The following NECTIN1 variants were observed in gnomAD, a reference collection of about 807,000 sequenced individuals.
The protein encoded by NECTIN1 is nectin-1.
In NECTIN1, 23 loss-of-function variants were observed where a neutral mutation model predicts 48.0. The ratio of observed to expected loss-of-function variants is 0.48; its 90% CI spans 0.34 to 0.68. NECTIN1 has a LOEUF of 0.68. Ranked by LOEUF, NECTIN1 falls within the 30% of genes least tolerant of loss-of-function variation. NECTIN1 has a pLI of 0.01. For synonymous variants in NECTIN1, 270 were observed against 288.9 expected (o/e 0.93, Z 0.66); for missense variants, 591 against 709.9 (o/e 0.83, Z 1.90).
chr11:119,681,048 G>A (rs950313753), intron 1 of NECTIN1, among the ~76,000 whole-genome samples: 2 of 152,206 alleles, frequency 1.3e-5, no homozygotes, highest in Non-Finnish European at 2.9e-5. Flanking sequence ...GGTCCTAACT[G>A]TCTCATGACA....
chr11:119,724,918 TTTTTTTG>T (rs1240343103), intron 1 of NECTIN1, among the ~76,000 whole-genome samples: 2 of 152,192 alleles, frequency 1.3e-5, no homozygotes, highest in Non-Finnish European at 2.9e-5. Flanking sequence ...ATGTTTAAAG[TTTTTTTG>T]TTTTTTGTTT....
intron 1 of NECTIN1, among the ~76,000 whole-genome samples, chr11:119,707,398 C>T (rs1379110380): frequency 1.3e-5 from 2 of 152,196 alleles, no homozygotes; most frequent in African/African-American, 2.4e-5. Flanking sequence ...CTAAAGGTCA[C>T]CTCCACCTTC....
At chr11:119,648,046 AGAGT>A (rs1452725847) in intron 5 of NECTIN1, among the ~76,000 whole-genome samples, 26 of 110,138 alleles carry the variant, frequency 2.4e-4, no homozygotes, top group Non-Finnish European at 3.4e-4. Context: ...CCTGGGTGAC[AGAGT>A]GAGACACCGT....
chr11:119,638,340 G>A, intron 7 of NECTIN1: 1 of 1,470,574 alleles, frequency 6.8e-7, no homozygotes, highest in Non-Finnish European at 9.4e-7. Context: ...GGACTCCTCA[G>A]TTCCCATGCA....
chr11:119,653,939 G>A (rs1053505793), intron 5 of NECTIN1: 3 of 152,182 alleles, frequency 2.0e-5, no homozygotes, highest in Non-Finnish European at 4.4e-5. Context: ...CCTTGCTGAA[G>A]GTCTGCAGAG....
rs1451963900 is a variant in NECTIN1 at position 119,672,246 on chromosome 11, C to T, written c.1003+2913G>A. On this transcript the variant is annotated intron_variant, in intron 5 of 5. Coordinates refer to ENST00000264025, the MANE Select transcript of NECTIN1 (RefSeq NM_002855.5). The surrounding 1 kb of genome is among the most constrained non-coding windows in gnomAD (Gnocchi z 4.3). ...CTTGGGAGTGGCGAGAGGCTGGGTC[C>T]CAGCTGGAGAGGCCTGGCCTGTCTC... 2.6e-5 allele frequency among the ~76,000 whole-genome samples: 4 copies of T among 152,160 alleles called. No individual in the cohort carries two copies. The highest frequency in any genetic ancestry group is 2.0e-4 in the Admixed American group (3 of 15,284).
chr11:119,671,290 C>T (rs4576834), intron 5 of NECTIN1, among the ~76,000 whole-genome samples: 25,369 of 151,872 alleles, frequency 0.17, 2,414 homozygotes, highest in Admixed American at 0.26. Context: ...AGAGCCAGGC[C>T]GCAGGGTCAT....
chr11:119,670,209 C>T (rs1864843434), intron 5 of NECTIN1, among the ~76,000 whole-genome samples: 1 of 152,218 alleles, frequency 6.6e-6, no homozygotes, highest in Non-Finnish European at 1.5e-5. Context: ...ATCCACCCAC[C>T]TCAGCCTCCC....
chr11:119,711,222 T>A (rs1185226916), intron 1 of NECTIN1, among the ~76,000 whole-genome samples: 1 of 152,030 alleles, frequency 6.6e-6, no homozygotes, highest in Non-Finnish European at 1.5e-5. Flanking sequence ...AAACCCTATC[T>A]CTATTAAAAA....
chr11:119,648,307 A>ATGGTGGTGGTGG (rs1565376549), intron 5 of NECTIN1, among the ~76,000 whole-genome samples: 1 of 10,418 alleles, frequency 9.6e-5, no homozygotes, highest in Non-Finnish European at 1.8e-4. Flanking sequence ...GGTGGTGGTG[A>ATGGTGGTGGTGG]TGGTGGTGAT....
intron 5 of NECTIN1, among the ~76,000 whole-genome samples, chr11:119,643,208 C>G (rs1864350814): frequency 6.6e-6 from 1 of 152,160 alleles, no homozygotes; most frequent in Non-Finnish European, 1.5e-5. Context: ...GGGTCGCACC[C>G]TGGTGGAAGA....
At chr11:119,726,417 C>T (rs184539967) in intron 1 of NECTIN1, among the ~76,000 whole-genome samples, 3 of 152,306 alleles carry the variant, frequency 2.0e-5, no homozygotes, top group South Asian at 2.1e-4. Context: ...AGGAGCTGGG[C>T]GGTCCGGGAA....
chr11:119,685,411 G>C (rs1488903362), intron 1 of NECTIN1, among the ~76,000 whole-genome samples: 1 of 152,230 alleles, frequency 6.6e-6, no homozygotes, highest in Non-Finnish European at 1.5e-5. Flanking sequence ...CGAGAAGGAG[G>C]CAGCGCAGGA....
chr11:119,706,138 C>T (rs1384762894), intron 1 of NECTIN1, among the ~76,000 whole-genome samples: 4 of 152,254 alleles, frequency 2.6e-5, no homozygotes, highest in Non-Finnish European at 5.9e-5. Context: ...CCACCTTCCC[C>T]TTCCGTCCCC....
chr11:119,676,000 C>A, intron 4 of NECTIN1, among the ~76,000 whole-genome samples: 1 of 129,260 alleles, frequency 7.7e-6, no homozygotes, highest in African/African-American at 3.3e-5. Flanking sequence ...AGTGAAAATC[C>A]GTCTCAAAGA....
intron 1 of NECTIN1, among the ~76,000 whole-genome samples, chr11:119,712,517 C>G (rs993447846): frequency 2.6e-5 from 4 of 152,026 alleles, no homozygotes; most frequent in African/African-American, 9.7e-5. Flanking sequence ...AGGCTTAGGA[C>G]GGGAGAGGGA....
chr11:119,654,326 G>T (rs1864536985), intron 5 of NECTIN1: 1 of 151,950 alleles, frequency 6.6e-6, no homozygotes, highest in South Asian at 2.1e-4. Context: ...GCCCTCAGAA[G>T]TTTAACCACC....
In NECTIN1 at chr11:119,673,414, G is replaced by T. The variant is rs1215135611; in HGVS notation, c.1003+1745C>A. 2.6e-5 allele frequency among the ~76,000 whole-genome samples: 4 copies of T among 152,154 alleles called. No homozygotes were observed. Among genetic ancestry groups the T allele is most frequent in the Non-Finnish European group, 5.9e-5 (4 of 68,004 alleles). On this transcript the variant is annotated intron_variant, in intron 5 of 5. Transcript: ENST00000264025. The surrounding 1 kb of genome is among the most constrained non-coding windows in gnomAD (Gnocchi z 5.8). ...CCTCTTCCAGCTGGGACCCTAGGTG[G>T]CCCGGCCCTCCTGCCCCCAGCCCAC...
intron 5 of NECTIN1, among the ~76,000 whole-genome samples, chr11:119,674,823 C>A (rs989755309): frequency 2.0e-5 from 3 of 152,212 alleles, no homozygotes; most frequent in Non-Finnish European, 4.4e-5. Context: ...CCTATCCCCA[C>A]CATGCCAGCA....
Sources: allele counts gnomAD v4.1 joint callset (sites outside exome capture counted in the v4.1 genomes callset), GRCh38; gene constraint gnomAD v4.1.1; non-coding constraint Gnocchi (gnomAD v3.1); transcripts MANE v1.5; gene names NCBI Gene and HGNC (gene_info 2026-07-23, HGNC 2026-07-21).